Variants in IGSF22 observed in about 807,000 individuals in gnomAD.
IGSF22 encodes immunoglobulin superfamily, member 22.
In IGSF22, 119 loss-of-function variants were observed where a neutral mutation model predicts 127.0. The ratio of observed to expected loss-of-function variants is 0.94; its 90% CI spans 0.81 to 1.09. The LOEUF (loss-of-function observed/expected upper bound fraction) is 1.09, where lower values mean the gene tolerates loss of function less well. Among genes scored for constraint, IGSF22 ranks in the 50% least tolerant of loss-of-function variants. IGSF22 has a pLI of 0.00. For missense variants in IGSF22, 1,518 were observed against 1,716.6 expected, an observed-to-expected ratio of 0.88 and a Z score of 2.04; for synonymous variants, 568 against 664.7, an observed-to-expected ratio of 0.85 and a Z score of 2.24.
At position 18,713,975 on chromosome 11, in the gene IGSF22, G is replaced by C. The variant is rs747280828; in HGVS notation, c.1972C>G (p.Arg658Gly). ...GTGAGCAGTGCCTGGTCTTCCCCGC[G>C]CTCCATGGACACGCGTTCCTCCTCC... ...VTEEERVSMERGEDQALLTIS... is the reference protein window; with the variant it reads ...VTEEERVSMEGGEDQALLTIS... Residue 658 changes from arginine (R) to glycine (G), a missense_variant, in exon 14 of 23, where the codon CGC (arginine) becomes GGC (glycine). Arg to Gly is a moderately radical substitution (Grantham distance 125). Around this residue, in one of 3 missense-constraint regions of IGSF22, gnomAD observed 1,456 missense variants for 1,644.9 expected, o/e 0.89. Transcript: ENST00000513874. 36 of 1,614,132 alleles carry C rather than the reference G, an allele frequency of 2.2e-5. No homozygotes were observed. Among genetic ancestry groups the C allele is most frequent in the Non-Finnish European group, 3.0e-5 (35 of 1,180,054 alleles).
Position 18,724,151 on chromosome 11 carries a change from GAGA to G in IGSF22, c.83_85del (p.Phe28del). 6.2e-7 allele frequency: 1 copy of G among 1,613,740 alleles called. No individual in the cohort carries two copies. ...GCCTCCCACGATCTTGGTTGTCTGG[GAGA>G]AGGTCTGCACGTGGGTGGTGGAGCT... On this transcript the variant is annotated inframe_deletion, in exon 2 of 23. Coordinates refer to ENST00000513874, the MANE Select transcript of IGSF22 (RefSeq NM_173588.4).
chr11:18,720,379 G>T, intron 4 of IGSF22, 94 bp from the exon 5 acceptor site: 1 of 819,374 alleles, frequency 1.2e-6, no homozygotes. Context: ...TTTTTTTAGG[G>T]GACAATAGGA....
chr11:18,711,506 T>C (rs894228742), intron 15 of IGSF22, among the ~76,000 whole-genome samples: 2 of 152,188 alleles, frequency 1.3e-5, no homozygotes, highest in African/African-American at 4.8e-5. Flanking sequence ...CAAGCAATTC[T>C]CTTGCCTCAA....
At chr11:18,718,531 G>A in intron 8 of IGSF22, 84 bp downstream of exon 8, 1 of 842,186 alleles carries the variant, frequency 1.2e-6, no homozygotes. Flanking sequence ...GGATGGAAGA[G>A]AGGCTATGGC....
At position 18,709,754 on chromosome 11, in the gene IGSF22, C is replaced by A; in HGVS notation, c.2702-71G>T. 6.9e-7 allele frequency: 1 copy of A among 1,450,492 alleles called. No individual in the cohort carries two copies. Among genetic ancestry groups the A allele is most frequent in the Admixed American group, 2.0e-5 (1 of 50,350 alleles). The allele number at this position is 1,450,492 out of a possible 1,614,324, so 89.9% of individuals were successfully genotyped here. ...CTCAATGCCTTGCTCACTTCCCACA[C>A]TCAATACTCCTGAACCCCATCCTTC... On this transcript the variant is annotated intron_variant, in intron 17 of 22. Transcript: ENST00000513874. This position sits in a 1 kb window ranked among gnomAD's most constrained non-coding sequence, Gnocchi z 4.8.
chr11:18,717,074 A>T, intron 9 of IGSF22, 74 bp from the exon 10 acceptor site: 3 of 1,517,188 alleles, frequency 2.0e-6, no homozygotes, highest in South Asian at 1.2e-5. Context: ...GAGGGCACTC[A>T]CATGTCACTG....
At chr11:18,722,363 C>T (rs1288317455) in intron 2 of IGSF22, among the ~76,000 whole-genome samples, 3 of 151,708 alleles carry the variant, frequency 2.0e-5, no homozygotes, top group Non-Finnish European at 4.4e-5. Flanking sequence ...TTAGGCTTCT[C>T]TCCTGGAAGT....
In IGSF22 at chr11:18,707,117, C is replaced by T. The variant is rs1258985917; in HGVS notation, c.3377G>A (p.Gly1126Asp). 6.4e-7 allele frequency: 1 copy of T among 1,551,682 alleles called. No homozygotes were observed. The highest frequency in any genetic ancestry group is 8.7e-7 in the Non-Finnish European group (1 of 1,146,982). ...CTTCATGATGATGTAGTGAGCCTCA[C>T]CGTCCTCCTGCACATCTGGGCTGTG... ...WNHSPDVQEDGEAHYIIMKRD... is the reference protein window; with the variant it reads ...WNHSPDVQEDDEAHYIIMKRD... The change falls in exon 21 of 23, where the codon GGT (glycine) becomes GAT (aspartate). Residue 1126 changes from glycine (G) to aspartate (D), a missense_variant. Around this residue, in one of 3 missense-constraint regions of IGSF22, gnomAD observed 1,456 missense variants for 1,644.9 expected, o/e 0.89. Transcript: ENST00000513874.
chr11:18,712,338 T>C lies in IGSF22; in HGVS notation c.2142A>G (p.Ser714=). The part of the protein sequence containing the change: ...PQGRVEFLEL[S]GSCVHMKWKA... Reference sequence around the variant, plus strand: ...TCCACTTCATGTGCACACAACTACCTGAGAGCTCCAGGAACTCCACCCGGC... The same window carrying C: ...TCCACTTCATGTGCACACAACTACCCGAGAGCTCCAGGAACTCCACCCGGC... Residue 714 remains serine (S), a synonymous_variant, in exon 15 of 23, where the codon TCA becomes TCG. Transcript: ENST00000513874. 5.2e-6 allele frequency: 8 copies of C among 1,551,632 alleles called. No individual in the cohort carries two copies. The highest frequency in any genetic ancestry group is 7.0e-6 in the Non-Finnish European group (8 of 1,146,946).
intron 19 of IGSF22, 59 bp from the exon 20 acceptor site, chr11:18,708,055 T>C (rs1380609901): frequency 2.7e-5 from 43 of 1,593,964 alleles, no homozygotes; most frequent in Non-Finnish European, 3.5e-5. Flanking sequence ...GGGGCAGGCC[T>C]TCCTCCATTG....
In IGSF22 at chr11:18,704,324, C is replaced by G. The variant is rs181548002; in HGVS notation, c.*144G>C. The G allele has an allele frequency of 7.6e-5, 49 of 647,998 alleles. No individual in the cohort carries two copies. The African/African-American group carries it at 8.2e-4, about 11-fold the overall frequency. 40.1% of individuals were successfully genotyped at this position (647,998 alleles called of 1,614,324 possible). ...CTCAGGAACGGGAAAGGATGAGTTACGTTTATTGCCCCATCCCTTCACTGA... is the reference window on the plus strand; with the variant it reads ...CTCAGGAACGGGAAAGGATGAGTTAGGTTTATTGCCCCATCCCTTCACTGA... On this transcript the variant is annotated 3_prime_UTR_variant, in exon 23 of 23. Transcript: ENST00000513874.
At position 18,708,244 on chromosome 11, in the gene IGSF22, C is replaced by T. The variant is rs1356330803; in HGVS notation, c.3050G>A (p.Arg1017His). The T allele has an allele frequency of 1.4e-5, 22 of 1,548,942 alleles. No individual in the cohort carries two copies. Among genetic ancestry groups the T allele is most frequent in the African/African-American group, 4.1e-5 (3 of 73,116 alleles). Residue 1017 changes from arginine to histidine, a missense_variant, in exon 19 of 23, where the codon CGC becomes CAC. Transcript: ENST00000513874. ...ATGGATGCAGAGGGCTGTCCCAGCG[C>T]GAACCACCATGTGACTCTTCAGCCG... Reference protein sequence around the residue: ...SARLKSHMVVRAGTALCIHAA... With the variant: ...SARLKSHMVVHAGTALCIHAA...
chr11:18,720,050 C>A lies in IGSF22; in HGVS notation c.518+14G>T, dbSNP rs192187271. ...GGAGACAATATCTTGGGCAGAAGGACCTGCCAGCCTCACCTCTTCTTCAGC... is the reference window on the plus strand; with the variant it reads ...GGAGACAATATCTTGGGCAGAAGGAACTGCCAGCCTCACCTCTTCTTCAGC... On this transcript the variant is annotated intron_variant, in intron 6 of 22. Coordinates refer to ENST00000513874, the MANE Select transcript of IGSF22 (RefSeq NM_173588.4). 3.6e-5 allele frequency: 58 copies of A among 1,613,846 alleles called. No homozygotes were observed. In the East Asian group the frequency reaches 8.9e-4, roughly 25 times the overall value.
Position 18,712,474 on chromosome 11 carries a change from G to C in IGSF22, c.2096-90C>G, listed in dbSNP as rs1848375923. Reference sequence around the variant, plus strand: ...CTCACCAAAGGTCTGCCCAGACTAGGGTATAGCTGGATTTTGAGCTTTTTG... The same window carrying C: ...CTCACCAAAGGTCTGCCCAGACTAGCGTATAGCTGGATTTTGAGCTTTTTG... On this transcript the variant is annotated intron_variant, in intron 14 of 22. Transcript: ENST00000513874. 1.2e-5 allele frequency: 15 copies of C among 1,201,906 alleles called. No individual in the cohort carries two copies. The Admixed American group carries it at 3.9e-4, about 32-fold the overall frequency. 74.5% of individuals were successfully genotyped at this position (1,201,906 alleles called of 1,614,324 possible).
chr11:18,717,043 C>A, intron 9 of IGSF22, 43 bp from the exon 10 acceptor site: 1 of 1,602,314 alleles, frequency 6.2e-7, no homozygotes, highest in South Asian at 1.1e-5. Flanking sequence ...GCTGGTCCCT[C>A]CTGAGGGGTG....
intron 9 of IGSF22, 122 bp from the exon 10 acceptor site, chr11:18,717,122 C>T (rs1469314873): frequency 9.7e-6 from 11 of 1,130,456 alleles, no homozygotes; most frequent in African/African-American, 1.6e-5. Context: ...AGCACCCTGC[C>T]TTTGGTTTTG....
chr11:18,717,099 A>G, intron 9 of IGSF22, 99 bp from the exon 10 acceptor site: 1 of 1,360,286 alleles, frequency 7.4e-7, no homozygotes, highest in Admixed American at 2.2e-5. Flanking sequence ...CCTGTAGCCC[A>G]TGGCTGGGGG....
rs905258691 is a variant in IGSF22 at position 18,709,031 on chromosome 11, G to A, written c.2998+356C>T. ...CAGGCTCCCTGGACTTTGAATTTTCGGGGAATTGATTTGGGTAATAACTCT... is the reference window on the plus strand; with the variant it reads ...CAGGCTCCCTGGACTTTGAATTTTCAGGGAATTGATTTGGGTAATAACTCT... On this transcript the variant is annotated intron_variant, in intron 18 of 22. Transcript: ENST00000513874. The surrounding 1 kb of genome is among the most constrained non-coding windows in gnomAD (Gnocchi z 4.8). Among the ~76,000 whole-genome samples, 5 of 152,114 alleles carry A rather than the reference G, an allele frequency of 3.3e-5. No individual in the cohort carries two copies. Among genetic ancestry groups the A allele is most frequent in the Non-Finnish European group, 5.9e-5 (4 of 68,036 alleles).
At chr11:18,713,746 C>G (rs1848400218) in intron 14 of IGSF22, 106 bp downstream of exon 14, 1 of 953,964 alleles carries the variant, frequency 1.0e-6, no homozygotes. Flanking sequence ...ATTCCCAGCC[C>G]AAACTTCAAC....
Sources: allele counts gnomAD v4.1 joint callset (sites outside exome capture counted in the v4.1 genomes callset), GRCh38; gene constraint gnomAD v4.1.1; regional missense constraint gnomAD v4.1.1; non-coding constraint Gnocchi (gnomAD v3.1); transcripts MANE v1.5; gene names NCBI Gene and HGNC (gene_info 2026-07-23, HGNC 2026-07-21).